The following CCDC61 variants were observed in gnomAD, a reference collection of about 807,000 sequenced individuals.
CCDC61 encodes the protein centrosomal protein CCDC61.
A neutral mutation model predicts 63.0 loss-of-function variants in CCDC61; 55 were observed. The observed-to-expected ratio is 0.87, with a 90% CI of 0.70 to 1.09. The LOEUF (loss-of-function observed/expected upper bound fraction) is 1.09, where lower values mean the gene tolerates loss of function less well. Ranked by LOEUF, CCDC61 falls within the 50% of genes least tolerant of loss-of-function variation. The pLI is 0.00. For missense variants in CCDC61, 651 were observed against 731.4 expected (o/e 0.89, Z 1.27); for synonymous variants, 270 against 317.0 (o/e 0.85, Z 1.58).
intron 1 of CCDC61, among the ~76,000 whole-genome samples, chr19:46,000,551 T>C (rs1600639677): frequency 1.3e-5 from 2 of 150,810 alleles, no homozygotes; most frequent in East Asian, 3.9e-4. Context: ...GAGTGGGAGG[T>C]TCTGCAGAGA....
intron 11 of CCDC61, 46 bp from the exon 12 acceptor site, chr19:46,017,201 A>AC: frequency 6.5e-7 from 1 of 1,543,440 alleles, no homozygotes. Context: ...GGTGGGAAGT[A>AC]CCAGAGCCTC....
At chr19:46,014,762 T>A (rs1270090961) in intron 5 of CCDC61, among the ~76,000 whole-genome samples, 1 of 152,154 alleles carries the variant, frequency 6.6e-6, no homozygotes, top group Non-Finnish European at 1.5e-5. Context: ...CACATGGCTG[T>A]GTTCCCACTC....
intron 5 of CCDC61, among the ~76,000 whole-genome samples, chr19:46,009,417 C>T (rs895112505): frequency 6.6e-6 from 1 of 152,108 alleles, no homozygotes; most frequent in Admixed American, 6.5e-5. Flanking sequence ...TAACTGTATG[C>T]CAGGGCTGCT....
At chr19:46,013,149 G>C (rs1968860894) in intron 5 of CCDC61, among the ~76,000 whole-genome samples, 1 of 152,126 alleles carries the variant, frequency 6.6e-6, no homozygotes, top group Non-Finnish European at 1.5e-5. Context: ...CTCCTGAGTA[G>C]CTGGGATTAC....
Position 46,015,625 on chromosome 19 carries a change from C to A in CCDC61, c.845+198C>A, listed in dbSNP as rs993998880. On this transcript the variant is annotated intron_variant, in intron 7 of 13. Coordinates refer to ENST00000595358, the MANE Select transcript of CCDC61 (RefSeq NM_001267723.2). The surrounding 1 kb of genome is among the most constrained non-coding windows in gnomAD (Gnocchi z 5.3). The stretch of plus-strand genomic sequence containing the variant: ...GCAGTGGTTAGGAGGTGGACCCGGG[C>A]TGTGCGGAGATGCGCAGGCTTGGGG... Among the ~76,000 whole-genome samples, 1 of 152,106 alleles carries A rather than the reference C, an allele frequency of 6.6e-6. No homozygotes were observed. The highest frequency in any genetic ancestry group is 2.4e-5 in the African/African-American group (1 of 41,452).
intron 3 of CCDC61, among the ~76,000 whole-genome samples, chr19:46,005,705 G>A (rs1011716578): frequency 6.6e-6 from 1 of 151,898 alleles, no homozygotes; most frequent in African/African-American, 2.4e-5. Context: ...TGTTTTTCTT[G>A]AAGTGACAGG....
chr19:46,010,924 C>T (rs1430869742), intron 5 of CCDC61, among the ~76,000 whole-genome samples: 4 of 152,242 alleles, frequency 2.6e-5, no homozygotes, highest in East Asian at 1.9e-4. Context: ...CTGAAACCCA[C>T]TGCGTATGCG....
Position 46,003,097 on chromosome 19 carries a change from C to A in CCDC61, c.79C>A (p.Gln27Lys). ...EHAVRVMVSG[Q>K]VLELEVEDRM... Reference sequence around the variant, plus strand: ...TGCCGTGCGGGTGATGGTTTCTGGGCAGGTGCTGGAGCTGGAGGTGGAGGA... The same window carrying A: ...TGCCGTGCGGGTGATGGTTTCTGGGAAGGTGCTGGAGCTGGAGGTGGAGGA... Residue 27 changes from glutamine (Q) to lysine (K), a missense_variant, in exon 2 of 14, where the codon CAG (glutamine) becomes AAG (lysine). Coordinates refer to ENST00000595358, the MANE Select transcript of CCDC61 (RefSeq NM_001267723.2). The A allele has an allele frequency of 6.2e-7, 1 of 1,612,380 alleles. No individual in the cohort carries two copies. The highest frequency in any genetic ancestry group is 8.5e-7 in the Non-Finnish European group (1 of 1,179,358).
At chr19:46,013,869 A>G (rs1968875225) in intron 5 of CCDC61, among the ~76,000 whole-genome samples, 1 of 75,170 alleles carries the variant, frequency 1.3e-5, no homozygotes, top group African/African-American at 5.8e-5. Flanking sequence ...CCGTCTCAGA[A>G]AAAAAAAAAA....
rs780355466 is a variant in CCDC61, at chr19:46,016,740, C to T, written c.1138C>T (p.Pro380Ser). Residue 380 changes from proline (P) to serine (S), a missense_variant, in exon 10 of 14, where the codon CCG becomes TCG. Physicochemically the swap from Pro to Ser is moderately conservative, Grantham distance 74. Transcript: ENST00000595358. This position sits in a 1 kb window ranked among gnomAD's most constrained non-coding sequence, Gnocchi z 7.2. ...RLGSGGSGDG[P>S]SVSWSRQTQP... ...AGGCAGTGGGGGAAGCGGGGACGGT[C>T]CGTCCGTCTCCTGGTCTCGCCAGAC... 6.2e-7 allele frequency: 1 copy of T among 1,605,538 alleles called. No homozygotes were observed. The highest frequency in any genetic ancestry group is 8.5e-7 in the Non-Finnish European group (1 of 1,176,664).
intron 5 of CCDC61, among the ~76,000 whole-genome samples, chr19:46,013,739 C>A (rs767614375): frequency 5.3e-5 from 8 of 151,692 alleles, no homozygotes; most frequent in Non-Finnish European, 1.2e-4. Flanking sequence ...TGGTGGTGGG[C>A]GCCTGTAATC....
chr19:46,000,076 C>T (rs775705738), intron 1 of CCDC61: 8 of 983,672 alleles, frequency 8.1e-6, no homozygotes, highest in Non-Finnish European at 9.6e-6. Context: ...ACAGGGTCAG[C>T]GGCGGGAGGG....
rs1257162929 is a variant in CCDC61, at chr19:45,999,936, A to G, written c.-11-3072A>G. On this transcript the variant is annotated intron_variant, in intron 1 of 13. Transcript: ENST00000595358. ...GCGGGGCCTCGAAGGCACCGCTGGG[A>G]TGCGTGAGGTCAGGAAGGAGGCAGA... The G allele has an allele frequency of 6.4e-6, 5 of 783,754 alleles. No individual in the cohort carries two copies. In the African/African-American group the frequency reaches 9.4e-5, roughly 15 times the overall value. 48.5% of individuals were successfully genotyped at this position (783,754 alleles called of 1,614,324 possible). A position where few individuals can be genotyped will look rare whatever the true frequency, so the allele number is the denominator to read the frequency against.
At chr19:45,996,882 GCTCTCTGC>G (rs1178038836) in intron 1 of CCDC61, among the ~76,000 whole-genome samples, 3 of 152,114 alleles carry the variant, frequency 2.0e-5, no homozygotes, top group Non-Finnish European at 4.4e-5. Context: ...TTCCAGGTGG[GCTCTCTGC>G]CTCTCACTGT....
intron 4 of CCDC61, 34 bp from the exon 5 acceptor site, chr19:46,008,106 C>T (rs1301394875): frequency 1.3e-6 from 2 of 1,568,024 alleles, no homozygotes; most frequent in Non-Finnish European, 1.7e-6. Flanking sequence ...TTCTTGGCCT[C>T]TGAGATGCCA....
chr19:45,999,473 G>C (rs1168089880), intron 1 of CCDC61, among the ~76,000 whole-genome samples: 1 of 152,170 alleles, frequency 6.6e-6, no homozygotes, highest in Non-Finnish European at 1.5e-5. Context: ...GGGTATGGCT[G>C]GGCTGGAATA....
intron 1 of CCDC61, among the ~76,000 whole-genome samples, chr19:46,001,157 A>G (rs1968584419): frequency 6.6e-6 from 1 of 152,134 alleles, no homozygotes; most frequent in Non-Finnish European, 1.5e-5. Context: ...GCTGCCACGC[A>G]CTGCATTGGG....
intron 5 of CCDC61, among the ~76,000 whole-genome samples, chr19:46,011,757 G>A (rs922226116): frequency 1.3e-5 from 2 of 152,108 alleles, no homozygotes; most frequent in African/African-American, 4.8e-5. Flanking sequence ...AAATTGCCCG[G>A]GAGCTTTGAA....
Position 46,009,774 on chromosome 19 carries a change from A to C in CCDC61, c.551+1473A>C, listed in dbSNP as rs570867411. 2.1e-4 allele frequency among the ~76,000 whole-genome samples: 32 copies of C among 151,990 alleles called. No homozygotes were observed. The South Asian group carries it at 6.6e-3, about 32-fold the overall frequency. The stretch of plus-strand genomic sequence containing the variant: ...GAGGAAGGCCGCAGTGGGGAGGCCA[A>C]AATTTATCCTCAGGATCTGCTCTCA... On this transcript the variant is annotated intron_variant, in intron 5 of 13. Coordinates refer to ENST00000595358, the MANE Select transcript of CCDC61 (RefSeq NM_001267723.2).
Sources: gnomAD v4.1 joint callset for allele counts (sites outside exome capture counted in the v4.1 genomes callset) on GRCh38, gnomAD v4.1.1 for gene constraint, Gnocchi (gnomAD v3.1) non-coding constraint, MANE v1.5 for transcripts, NCBI Gene and HGNC (gene_info 2026-07-23, HGNC 2026-07-21) for gene names.